Variants in TAMALIN observed in about 807,000 individuals in gnomAD.
The protein encoded by TAMALIN is protein TAMALIN.
A neutral mutation model predicts 38.5 loss-of-function variants in TAMALIN; 9 were observed. The observed-to-expected ratio is 0.23, with a 90% CI of 0.14 to 0.41. The LOEUF is 0.41. Among genes scored for constraint, TAMALIN ranks in the 10% least tolerant of loss-of-function variants. The pLI is 1.00. For synonymous variants in TAMALIN, 306 were observed against 256.5 expected (o/e 1.19, Z -1.85); for missense variants, 548 against 554.1 (o/e 0.99, Z 0.11).
In TAMALIN at chr12:52,014,762, G is replaced by C; in HGVS notation, c.751G>C (p.Gly251Arg). The change falls in exon 8 of 8, where the codon GGC (glycine) becomes CGC (arginine). Residue 251 changes from glycine to arginine, a missense_variant. Around this residue, in one of 3 missense-constraint regions of TAMALIN, gnomAD observed 415 missense variants for 417.0 expected, o/e 1.00. Transcript: ENST00000293662. ...ESVRSCLYGA[G>R]LLPGSLPFGP... ...GGTGCGCTCCTGCCTCTACGGCGCG[G>C]GCCTGCTCCCGGGCTCGCTGCCCTT... 2 of 1,498,862 alleles carry C rather than the reference G, an allele frequency of 1.3e-6. No individual in the cohort carries two copies. Among genetic ancestry groups the C allele is most frequent in the Non-Finnish European group, 8.8e-7 (1 of 1,134,636 alleles). The allele number at this position is 1,498,862 out of a possible 1,614,324, so 92.8% of individuals were successfully genotyped here.
rs755544906 is a variant in TAMALIN, at chr12:52,014,801, G to T, written c.790G>T (p.Ala264Ser). ...PGSLPFGPLL[A>S]VPGRPRGGAR... ...CTCGCTGCCCTTCGGGCCTCTGCTC[G>T]CCGTGCCCGGGCGTCCCCGCGGAGG... is the stretch of plus-strand genomic sequence containing the variant. Residue 264 changes from alanine to serine, a missense_variant, in exon 8 of 8, where the codon GCC becomes TCC. By Grantham distance (99) the Ala-to-Ser change is moderately conservative. Transcript: ENST00000293662. The T allele has an allele frequency of 7.2e-7, 1 of 1,396,826 alleles. No homozygotes were observed. Among genetic ancestry groups the T allele is most frequent in the Non-Finnish European group, 9.2e-7 (1 of 1,081,090 alleles). The allele number at this position is 1,396,826 out of a possible 1,614,324, so 86.5% of individuals were successfully genotyped here.
rs749023120 is a variant in TAMALIN, at chr12:52,015,145, C to G, written c.1134C>G (p.Leu378=). 3.8e-6 allele frequency: 6 copies of G among 1,594,418 alleles called. No homozygotes were observed. In the African/African-American group the frequency reaches 8.0e-5, roughly 21 times the overall value. The change falls in exon 8 of 8, where the codon CTC becomes CTG. Residue 378 remains leucine, a synonymous_variant. Transcript: ENST00000293662. ...ACCGCAGCTTCCGCCGGCGGCTGCT[C>G]AAGTTCATCCCCGGACTCAACCGCT... ...TKYRSFRRRL[L]KFIPGLNRSL...
chr12:52,013,982 C>G, intron 6 of TAMALIN, 39 bp downstream of exon 6: 1 of 1,602,912 alleles, frequency 6.2e-7, no homozygotes, highest in South Asian at 1.1e-5. Context: ...CCACCCTCCT[C>G]TTCCCAAGCC....
At position 52,007,914 on chromosome 12, in the gene TAMALIN, C is replaced by T; in HGVS notation, c.246+649C>T. On this transcript the variant is annotated intron_variant, in intron 1 of 7. Transcript: ENST00000293662. This position sits in a 1 kb window ranked among gnomAD's most constrained non-coding sequence, Gnocchi z 6.7. Reference sequence around the variant, plus strand: ...GGGGCAGGAAGGATGCGGGCCGCGCCCACCTCTGAGTCCCCTCTGCCAGCC... The same window carrying T: ...GGGGCAGGAAGGATGCGGGCCGCGCTCACCTCTGAGTCCCCTCTGCCAGCC... The T allele has an allele frequency of 1.0e-6, 1 of 985,382 alleles. No individual in the cohort carries two copies. Among genetic ancestry groups the T allele is most frequent in the Non-Finnish European group, 1.2e-6 (1 of 829,904 alleles). 61.0% of individuals were successfully genotyped at this position (985,382 alleles called of 1,614,324 possible). A position where few individuals can be genotyped will look rare whatever the true frequency, so the allele number is the denominator to read the frequency against.
intron 6 of TAMALIN, 21 bp downstream of exon 6, chr12:52,013,964 T>A (rs767466872): frequency 1.2e-6 from 2 of 1,612,376 alleles, no homozygotes; most frequent in Non-Finnish European, 1.7e-6. Context: ...CTAGATAACG[T>A]CCAGCCTCCA....
Position 52,014,932 on chromosome 12 carries a change from C to T in TAMALIN, c.921C>T (p.Ala307=), listed in dbSNP as rs1937761475. ...CGCCCCCGCCGCCCCCGGCCCGCGC[C>T]TTCGGCCCGGGCCCCGCCGAGACCC... ...ALPPPPPPAR[A]FGPGPAETPA... is the part of the protein sequence containing the mutation. The change falls in exon 8 of 8, where the codon GCC becomes GCT. Residue 307 remains alanine (A), a synonymous_variant. Transcript: ENST00000293662. 1 of 1,032,864 alleles carries T rather than the reference C, an allele frequency of 9.7e-7. No homozygotes were observed. The highest frequency in any genetic ancestry group is 1.2e-6 in the Non-Finnish European group (1 of 861,318). 64.0% of individuals were successfully genotyped at this position (1,032,864 alleles called of 1,614,324 possible).
At position 52,010,893 on chromosome 12, in the gene TAMALIN, G is replaced by A. The variant is rs149650071; in HGVS notation, c.309G>A (p.Thr103=). 627 of 1,614,148 alleles carry A rather than the reference G, an allele frequency of 3.9e-4. No individual in the cohort carries two copies. The highest frequency in any genetic ancestry group is 5.2e-4 in the Non-Finnish European group (610 of 1,180,036). The change falls in exon 3 of 8, where the codon ACG becomes ACA. Residue 103 remains threonine, a synonymous_variant. Transcript: ENST00000293662. The stretch of plus-strand genomic sequence containing the variant: ...GTGTCTCTTGCAGGAAAGTGCTGAC[G>A]TTGGAGAAGGAGGATAACCAGACCT... ...QSPEQQRKVL[T]LEKEDNQTFG...
chr12:52,007,692 CCGCG>C lies in TAMALIN; in HGVS notation c.246+428_246+431del. On this transcript the variant is annotated intron_variant, in intron 1 of 7. Transcript: ENST00000293662. This position sits in a 1 kb window ranked among gnomAD's most constrained non-coding sequence, Gnocchi z 6.7. ...TGGGAGAAGCGGGCCGGTGGCTGCGCCGCGTGCGTTCTCACTCTGAGGAAGTGCG... is the reference window on the plus strand; with the variant it reads ...TGGGAGAAGCGGGCCGGTGGCTGCGCTGCGTTCTCACTCTGAGGAAGTGCG... 1.0e-6 allele frequency: 1 copy of C among 985,416 alleles called. No individual in the cohort carries two copies. Among genetic ancestry groups the C allele is most frequent in the Non-Finnish European group, 1.2e-6 (1 of 829,916 alleles). 61.0% of individuals were successfully genotyped at this position (985,416 alleles called of 1,614,324 possible). A position where few individuals can be genotyped will look rare whatever the true frequency, so the allele number is the denominator to read the frequency against.
At chr12:52,012,939 C>G (rs191707464) in intron 4 of TAMALIN, among the ~76,000 whole-genome samples, 17 of 152,334 alleles carry the variant, frequency 1.1e-4, no homozygotes, top group African/African-American at 4.1e-4. Context: ...GGGCCAGGGT[C>G]GGTTCCCAGC....
At chr12:52,014,476 C>A (rs1175338449) in intron 7 of TAMALIN, 4 of 599,646 alleles carry the variant, frequency 6.7e-6, no homozygotes, top group Non-Finnish European at 8.9e-6. Context: ...TCAATTATTT[C>A]CGAGGCCCGT....
Position 52,015,328 on chromosome 12 carries a change from C to G in TAMALIN, c.*129C>G. On this transcript the variant is annotated 3_prime_UTR_variant, in exon 8 of 8. Coordinates refer to ENST00000293662, the MANE Select transcript of TAMALIN (RefSeq NM_181711.4). The stretch of plus-strand genomic sequence containing the variant: ...GAGAGGGTCCTTCCTAGCCTCGGCC[C>G]GCCGGGTCGGTTCCTGGCTGGTGTC... 1.7e-6 allele frequency: 2 copies of G among 1,164,830 alleles called. No homozygotes were observed. Among genetic ancestry groups the G allele is most frequent in the Non-Finnish European group, 2.3e-6 (2 of 879,160 alleles). 72.2% of individuals were successfully genotyped at this position (1,164,830 alleles called of 1,614,324 possible).
Position 52,009,763 on chromosome 12 carries a change from A to T in TAMALIN, c.296+524A>T, listed in dbSNP as rs1386620780. On this transcript the variant is annotated intron_variant, in intron 2 of 7. Transcript: ENST00000293662. ...GTAGGTGCTGACTCCAGGCCCTGGG[A>T]CCCCACAGTTTCCCTTCTCTACTCA... Among the ~76,000 whole-genome samples, 5 of 152,080 alleles carry T rather than the reference A, an allele frequency of 3.3e-5. No homozygotes were observed. The East Asian group carries it at 9.6e-4, about 29-fold the overall frequency.
Position 52,015,545 on chromosome 12 carries a change from C to T in TAMALIN, c.*346C>T, listed in dbSNP as rs759906863. The T allele has an allele frequency of 1.8e-5, 4 of 219,442 alleles. No homozygotes were observed. The highest frequency in any genetic ancestry group is 2.8e-5 in the Non-Finnish European group (3 of 108,530). The allele number at this position is 219,442 out of a possible 1,614,324, so 13.6% of individuals were successfully genotyped here. A position where few individuals can be genotyped will look rare whatever the true frequency, so the allele number is the denominator to read the frequency against. ...GGGATGGGAACCCTGTCCCATGAAG[C>T]CCTCTCCTCAGCTTTACTTGCTCCC... On this transcript the variant is annotated 3_prime_UTR_variant, in exon 8 of 8. Coordinates refer to ENST00000293662, the MANE Select transcript of TAMALIN (RefSeq NM_181711.4).
rs528170348 is a variant in TAMALIN at position 52,007,497 on chromosome 12, C to T, written c.246+232C>T. 2 of 984,616 alleles carry T rather than the reference C, an allele frequency of 2.0e-6. No individual in the cohort carries two copies. Among genetic ancestry groups the T allele is most frequent in the South Asian group, 9.4e-5 (2 of 21,258 alleles). 61.0% of individuals were successfully genotyped at this position (984,616 alleles called of 1,614,324 possible). A position where few individuals can be genotyped will look rare whatever the true frequency, so the allele number is the denominator to read the frequency against. The stretch of plus-strand genomic sequence containing the variant: ...TAACTCCGCGCCCCATGCACGCCCC[C>T]TCTCTCCCTCCTTGACTCCTCCCAG... On this transcript the variant is annotated intron_variant, in intron 1 of 7. Coordinates refer to ENST00000293662, the MANE Select transcript of TAMALIN (RefSeq NM_181711.4). This position sits in a 1 kb window ranked among gnomAD's most constrained non-coding sequence, Gnocchi z 6.7.
chr12:52,008,000 G>A lies in TAMALIN; in HGVS notation c.246+735G>A, dbSNP rs1942443670. ...CCTACACAACACCAGGTTAAGAAGA[G>A]GGGCCTGGTGGCCTTTCCTCACCCA... On this transcript the variant is annotated intron_variant, in intron 1 of 7. Transcript: ENST00000293662. The surrounding 1 kb of genome is among the most constrained non-coding windows in gnomAD (Gnocchi z 6.7). 2.0e-6 allele frequency: 2 copies of A among 985,498 alleles called. No homozygotes were observed. Among genetic ancestry groups the A allele is most frequent in the African/African-American group, 1.7e-5 (1 of 57,382 alleles). The allele number at this position is 985,498 out of a possible 1,614,324, so 61.0% of individuals were successfully genotyped here.
intron 2 of TAMALIN, among the ~76,000 whole-genome samples, chr12:52,009,554 G>A (rs761738421): frequency 1.9e-4 from 29 of 152,326 alleles, no homozygotes; most frequent in African/African-American, 5.8e-4. Flanking sequence ...TATGGGGAAC[G>A]TCCTAACCCA....
At chr12:52,010,798 G>A in intron 2 of TAMALIN, 83 bp from the exon 3 acceptor site, 1 of 1,412,928 alleles carries the variant, frequency 7.1e-7, no homozygotes, top group Admixed American at 1.7e-5. Flanking sequence ...TTCTAGACCA[G>A]TTGCCAATAT....
chr12:52,007,577 C>T lies in TAMALIN; in HGVS notation c.246+312C>T. The T allele has an allele frequency of 1.0e-6, 1 of 984,322 alleles. No homozygotes were observed. The highest frequency in any genetic ancestry group is 4.7e-5 in the South Asian group (1 of 21,254). The allele number at this position is 984,322 out of a possible 1,614,324, so 61.0% of individuals were successfully genotyped here. Reference sequence around the variant, plus strand: ...GCTTTCTGCCCCCCATGCCCCGCCTCCCCGTGGCCAGGTGTCCTGGGTCCC... The same window carrying T: ...GCTTTCTGCCCCCCATGCCCCGCCTTCCCGTGGCCAGGTGTCCTGGGTCCC... On this transcript the variant is annotated intron_variant, in intron 1 of 7. Transcript: ENST00000293662. The surrounding 1 kb of genome is among the most constrained non-coding windows in gnomAD (Gnocchi z 6.7).
rs1427500479 is a variant in TAMALIN, at chr12:52,007,292, C to T, written c.246+27C>T. On this transcript the variant is annotated intron_variant, in intron 1 of 7. Coordinates refer to ENST00000293662, the MANE Select transcript of TAMALIN (RefSeq NM_181711.4). The surrounding 1 kb of genome is among the most constrained non-coding windows in gnomAD (Gnocchi z 6.7). ...TGCGTCCCCCGCCCGCCTTCAGGAT[C>T]TGCTCAGCCCCTCTCCGACTCCCTA... The T allele has an allele frequency of 4.3e-6, 6 of 1,393,502 alleles. No individual in the cohort carries two copies. The African/African-American group carries it at 6.0e-5, about 14-fold the overall frequency. 86.3% of individuals were successfully genotyped at this position (1,393,502 alleles called of 1,614,324 possible).
Sources: allele counts gnomAD v4.1 joint callset (sites outside exome capture counted in the v4.1 genomes callset), GRCh38; gene constraint gnomAD v4.1.1; regional missense constraint gnomAD v4.1.1; non-coding constraint Gnocchi (gnomAD v3.1); transcripts MANE v1.5; gene names NCBI Gene and HGNC (gene_info 2026-07-23, HGNC 2026-07-21).